The following PDE10A variants were observed in gnomAD, a reference collection of about 807,000 sequenced individuals.
PDE10A encodes the protein phosphodiesterase 10A, also known as cAMP and cAMP-inhibited cGMP 3',5'-cyclic phosphodiesterase 10A.
A neutral mutation model predicts 97.7 loss-of-function variants in PDE10A; 39 were observed. The ratio of observed to expected loss-of-function variants is 0.40; its 90% CI spans 0.31 to 0.52. The LOEUF is 0.52. Among genes scored for constraint, PDE10A ranks in the 20% least tolerant of loss-of-function variants. The probability of loss-of-function intolerance (pLI) is 0.56; values close to 1 mark genes in which losing one functional copy is unlikely to be tolerated. For synonymous variants in PDE10A, 371 were observed against 376.8 expected (o/e 0.98, Z 0.18); for missense variants, 731 against 1,047.8 (o/e 0.70, Z 4.17).
chr6:165,886,297 C>G (rs529859454), intron 1 of PDE10A, among the ~76,000 whole-genome samples: 12 of 150,972 alleles, frequency 7.9e-5, no homozygotes, highest in African/African-American at 2.4e-4. Context: ...TCCTGCAGCC[C>G]TGGAGCCCTG....
intron 1 of PDE10A, among the ~76,000 whole-genome samples, chr6:165,919,611 C>G (rs1428338527): frequency 6.6e-6 from 1 of 152,154 alleles, no homozygotes; most frequent in East Asian, 1.9e-4. Flanking sequence ...CTTTCTTTTT[C>G]TATTTACAGC....
At chr6:165,807,225 A>G (rs1171294151) in intron 1 of PDE10A, among the ~76,000 whole-genome samples, 1 of 152,194 alleles carries the variant, frequency 6.6e-6, no homozygotes, top group Non-Finnish European at 1.5e-5. Context: ...CATAAGTCAG[A>G]TAAGCAGATG....
chr6:165,769,470 T>C (rs970427095), intron 1 of PDE10A, among the ~76,000 whole-genome samples: 2 of 152,196 alleles, frequency 1.3e-5, no homozygotes, highest in African/African-American at 4.8e-5. Context: ...CAATTTGTAT[T>C]GGTGAATTTA....
chr6:165,539,493 A>G (rs187156748), intron 2 of PDE10A, among the ~76,000 whole-genome samples: 54 of 152,344 alleles, frequency 3.5e-4, no homozygotes, highest in African/African-American at 1.3e-3. Flanking sequence ...TAACTAGAAG[A>G]AAGGAATAAA....
Position 165,661,557 on chromosome 6 carries a change from CA to C in PDE10A, c.865+389del, listed in dbSNP as rs1790262553. ...AGCGCATCTGCTCCAGCCAAGTGGC[CA>C]CAGGCTCAAGAGGGAGGAACCTAAG... On this transcript the variant is annotated intron_variant, in intron 1 of 21. Transcript: ENST00000539869. This position sits in a 1 kb window ranked among gnomAD's most constrained non-coding sequence, Gnocchi z 4.8. 5.8e-6 allele frequency: 1 copy of C among 173,806 alleles called. No homozygotes were observed. The highest frequency in any genetic ancestry group is 6.3e-5 in the Admixed American group (1 of 15,766). The allele number at this position is 173,806 out of a possible 1,614,324, so 10.8% of individuals were successfully genotyped here. A position where few individuals can be genotyped will look rare whatever the true frequency, so the allele number is the denominator to read the frequency against.
rs1783983309 is a variant in PDE10A at position 165,368,549 on chromosome 6, A to G, written c.2783+10645T>C. ...AACCACTTGAAAATTTAAAAAGGGT[A>G]TAACAAGAAAAACCAAAAGCAAATA... On this transcript the variant is annotated intron_variant, in intron 18 of 21. Transcript: ENST00000539869. Among the ~76,000 whole-genome samples, 5 of 152,318 alleles carry G rather than the reference A, an allele frequency of 3.3e-5. No homozygotes were observed. In the South Asian group the frequency reaches 6.2e-4, roughly 19 times the overall value.
At chr6:165,431,539 A>AT in intron 7 of PDE10A, 67 bp from the exon 8 acceptor site, 1 of 528,950 alleles carries the variant, frequency 1.9e-6, no homozygotes, top group Non-Finnish European at 3.1e-6. Flanking sequence ...TACTATATAT[A>AT]ATATACTATA....
intron 1 of PDE10A, among the ~76,000 whole-genome samples, chr6:165,750,075 AG>A (rs1353664300): frequency 6.6e-6 from 1 of 152,088 alleles, no homozygotes; most frequent in Non-Finnish European, 1.5e-5. Flanking sequence ...TGCTGATATG[AG>A]GTGGGTATTG....
intron 1 of PDE10A, among the ~76,000 whole-genome samples, chr6:165,612,116 T>C (rs916031245): frequency 6.6e-6 from 1 of 152,240 alleles, no homozygotes; most frequent in African/African-American, 2.4e-5. Flanking sequence ...CCATCCATGC[T>C]AAATTGACTT....
Position 165,333,033 on chromosome 6 carries a change from C to T in PDE10A, c.3160G>A (p.Glu1054Lys). The change falls in exon 22 of 22, where the codon GAA becomes AAA. Residue 1054 changes from glutamate to lysine, a missense_variant. Coordinates refer to ENST00000539869, the MANE Select transcript of PDE10A (RefSeq NM_001385079.1). ...GTCAGGGTGACCAGTGCTCAATCTT[C>T]AGATGCAGCTGCCTTCTGAGCCACG... ...PSVAQKAAAS[E>K]D 6.3e-7 allele frequency: 1 copy of T among 1,588,662 alleles called. No individual in the cohort carries two copies. The highest frequency in any genetic ancestry group is 8.6e-7 in the Non-Finnish European group (1 of 1,161,042).
At chr6:165,712,417 C>T (rs1339073432) in intron 1 of PDE10A, among the ~76,000 whole-genome samples, 1 of 152,068 alleles carries the variant, frequency 6.6e-6, no homozygotes, top group Admixed American at 6.6e-5. Flanking sequence ...TATAAGGTAC[C>T]CCTGGGAGGC....
chr6:165,401,248 T>C, intron 13 of PDE10A, among the ~76,000 whole-genome samples: 1 of 152,286 alleles, frequency 6.6e-6, no homozygotes, highest in East Asian at 1.9e-4. Flanking sequence ...ATACATGACA[T>C]ATAAATTTCA....
At chr6:165,492,674 A>C (rs1446637364) in intron 2 of PDE10A, among the ~76,000 whole-genome samples, 26 of 152,208 alleles carry the variant, frequency 1.7e-4, no homozygotes, top group Admixed American at 1.7e-3. Flanking sequence ...CAAAATTGGC[A>C]TAAAAGGGAC....
At chr6:165,555,765 A>T (rs1265288526) in intron 1 of PDE10A, among the ~76,000 whole-genome samples, 5 of 152,198 alleles carry the variant, frequency 3.3e-5, no homozygotes, top group Admixed American at 6.5e-5. Flanking sequence ...CCTCAAAGAT[A>T]CCAAGACAGT....
intron 2 of PDE10A, among the ~76,000 whole-genome samples, chr6:165,492,164 A>C (rs939894318): frequency 1.3e-5 from 2 of 152,180 alleles, no homozygotes; most frequent in Non-Finnish European, 1.5e-5. Flanking sequence ...ACCAGGAATA[A>C]ACAGAAACTC....
chr6:165,938,295 C>A (rs1783400882), intron 1 of PDE10A, among the ~76,000 whole-genome samples: 1 of 152,208 alleles, frequency 6.6e-6, no homozygotes, highest in African/African-American at 2.4e-5. Context: ...GCGTGGAGTC[C>A]ATTGACAACT....
chr6:165,712,519 C>T (rs1042737641), intron 1 of PDE10A, among the ~76,000 whole-genome samples: 2 of 151,948 alleles, frequency 1.3e-5, no homozygotes, highest in Non-Finnish European at 2.9e-5. Context: ...TTGTGAAACA[C>T]CAAAGCGGCC....
chr6:165,394,107 G>T (rs530080695), intron 15 of PDE10A, among the ~76,000 whole-genome samples: 1 of 151,888 alleles, frequency 6.6e-6, no homozygotes, highest in East Asian at 1.9e-4. Context: ...TGGGGTCCAC[G>T]TGCAGAACGT....
chr6:165,337,901 T>C (rs1405073285), intron 20 of PDE10A, among the ~76,000 whole-genome samples: 2 of 151,872 alleles, frequency 1.3e-5, no homozygotes, highest in African/African-American at 4.8e-5. Flanking sequence ...AGTCAATAAA[T>C]CAAATGGAAA....
Sources: allele counts gnomAD v4.1 joint callset (sites outside exome capture counted in the v4.1 genomes callset), GRCh38; gene constraint gnomAD v4.1.1; non-coding constraint Gnocchi (gnomAD v3.1); transcripts MANE v1.5; gene names NCBI Gene and HGNC (gene_info 2026-07-23, HGNC 2026-07-21).